Variants in MAGI2 observed in about 807,000 individuals in gnomAD.
The protein encoded by MAGI2 is membrane associated guanylate kinase, WW and PDZ domain containing 2.
In MAGI2, 35 loss-of-function variants were observed where a neutral mutation model predicts 133.3. The observed-to-expected ratio is 0.26, with a 90% CI of 0.20 to 0.35. The LOEUF (loss-of-function observed/expected upper bound fraction) is 0.35. Ranked by LOEUF, MAGI2 falls within the 10% of genes least tolerant of loss-of-function variation. The probability of loss-of-function intolerance (pLI) is 1.00; values close to 1 mark genes in which losing one functional copy is unlikely to be tolerated. For synonymous variants in MAGI2, 729 were observed against 710.6 expected (o/e 1.03, Z -0.41); for missense variants, 1,636 against 1,863.4 (o/e 0.88, Z 2.25).
chr7:78,176,930 C>CACACAA (rs1368623002), intron 14 of MAGI2, among the ~76,000 whole-genome samples: 1 of 151,066 alleles, frequency 6.6e-6, no homozygotes, highest in African/African-American at 2.4e-5. Flanking sequence ...CACACACACA[C>CACACAA]ACACACACAC....
chr7:79,085,437 A>G (rs180943331), intron 1 of MAGI2, among the ~76,000 whole-genome samples: 6 of 151,838 alleles, frequency 4.0e-5, no homozygotes, highest in Non-Finnish European at 5.9e-5. Context: ...GGACATATTT[A>G]TAACAGCTGG....
chr7:78,245,029 G>C (rs1453158070), intron 10 of MAGI2, among the ~76,000 whole-genome samples: 1 of 152,184 alleles, frequency 6.6e-6, no homozygotes, highest in African/African-American at 2.4e-5. Flanking sequence ...ACTATTAACA[G>C]TGACATGTAT....
chr7:78,536,736 G>GC (rs1554463572), intron 3 of MAGI2, among the ~76,000 whole-genome samples: 4 of 138,322 alleles, frequency 2.9e-5, no homozygotes, highest in African/African-American at 7.9e-5. Flanking sequence ...AATTTCAATA[G>GC]TTTTTTTTTT....
chr7:79,352,919 C>A (rs1465481283), intron 1 of MAGI2, among the ~76,000 whole-genome samples: 1 of 151,790 alleles, frequency 6.6e-6, no homozygotes, highest in Non-Finnish European at 1.5e-5. Flanking sequence ...TTTGCTAAGC[C>A]CTTCCAGTAT....
chr7:78,847,625 A>G (rs1052341453), intron 2 of MAGI2, among the ~76,000 whole-genome samples: 4 of 151,978 alleles, frequency 2.6e-5, no homozygotes, highest in African/African-American at 7.2e-5. Flanking sequence ...GAGTTAAAAG[A>G]TCTTGTACTG....
chr7:78,942,344 GA>G (rs547902463), intron 2 of MAGI2, among the ~76,000 whole-genome samples: 1 of 151,756 alleles, frequency 6.6e-6, no homozygotes, highest in East Asian at 1.9e-4. Context: ...AAACTTTCTG[GA>G]AAAAAAATCT....
intron 9 of MAGI2, among the ~76,000 whole-genome samples, chr7:78,291,122 A>G (rs1401172332): frequency 6.6e-6 from 1 of 152,260 alleles, no homozygotes; most frequent in Non-Finnish European, 1.5e-5. Flanking sequence ...AAAACCCTTC[A>G]AAAGATCCAT....
At chr7:79,214,978 A>G (rs1422133833) in intron 1 of MAGI2, among the ~76,000 whole-genome samples, 2 of 150,360 alleles carry the variant, frequency 1.3e-5, no homozygotes, top group African/African-American at 4.9e-5. Flanking sequence ...TTGGTTTACA[A>G]GTACGTTTGT....
intron 1 of MAGI2, among the ~76,000 whole-genome samples, chr7:79,322,041 G>A (rs1839221933): frequency 6.6e-6 from 1 of 152,004 alleles, no homozygotes; most frequent in Non-Finnish European, 1.5e-5. Flanking sequence ...GGGACCTAGA[G>A]TACCTATTTT....
intron 1 of MAGI2, among the ~76,000 whole-genome samples, chr7:79,095,127 C>A (rs547094103): frequency 6.6e-6 from 1 of 152,184 alleles, no homozygotes; most frequent in African/African-American, 2.4e-5. Flanking sequence ...TAGCTACCCT[C>A]ATCAATTATC....
chr7:78,358,741 G>C, intron 7 of MAGI2: 1 of 210,092 alleles, frequency 4.8e-6, no homozygotes, highest in Non-Finnish European at 9.5e-6. Flanking sequence ...TGGGGGAGAA[G>C]AGGAAGGAGA....
intron 2 of MAGI2, among the ~76,000 whole-genome samples, chr7:78,836,466 T>C (rs1791626133): frequency 6.6e-6 from 1 of 152,164 alleles, no homozygotes. Flanking sequence ...TATTTTTAAT[T>C]TTTACCTTGA....
At chr7:78,658,933 A>G (rs1042826607) in intron 2 of MAGI2, among the ~76,000 whole-genome samples, 2 of 152,182 alleles carry the variant, frequency 1.3e-5, no homozygotes, top group South Asian at 4.1e-4. Flanking sequence ...TAAACATACA[A>G]CTACCACAAA....
At chr7:78,369,836 T>TCACA (rs1238326442) in intron 6 of MAGI2, among the ~76,000 whole-genome samples, 1 of 151,594 alleles carries the variant, frequency 6.6e-6, no homozygotes, top group Non-Finnish European at 1.5e-5. Flanking sequence ...TAATTTTAAT[T>TCACA]CACACACACA....
At chr7:78,427,529 T>C (rs1413675256) in intron 6 of MAGI2, among the ~76,000 whole-genome samples, 1 of 152,210 alleles carries the variant, frequency 6.6e-6, no homozygotes, top group Admixed American at 6.5e-5. Flanking sequence ...ATCACAATTA[T>C]GCATTTGTAT....
At chr7:78,677,690 G>T (rs1815195530) in intron 2 of MAGI2, among the ~76,000 whole-genome samples, 1 of 152,060 alleles carries the variant, frequency 6.6e-6, no homozygotes, top group African/African-American at 2.4e-5. Context: ...ATTTACTGGG[G>T]ATTCTTCTAC....
intron 9 of MAGI2, among the ~76,000 whole-genome samples, chr7:78,339,480 C>T (rs1474117916): frequency 6.6e-6 from 1 of 152,090 alleles, no homozygotes; most frequent in Non-Finnish European, 1.5e-5. Context: ...TAAGTTTACA[C>T]TGAAATAAGT....
chr7:78,481,400 A>T (rs1261336403), intron 6 of MAGI2, among the ~76,000 whole-genome samples: 1 of 151,948 alleles, frequency 6.6e-6, no homozygotes, highest in Non-Finnish European at 1.5e-5. Flanking sequence ...GCATGGGGCA[A>T]ACTGCCCCAT....
At chr7:78,957,366 TTTTCTAAA>T (rs1382847989) in intron 2 of MAGI2, among the ~76,000 whole-genome samples, 3 of 151,918 alleles carry the variant, frequency 2.0e-5, no homozygotes, top group Non-Finnish European at 2.9e-5. Context: ...TGCATACATG[TTTTCTAAA>T]ATGTTTTTGG....
Sources: allele counts gnomAD v4.1 joint callset (sites outside exome capture counted in the v4.1 genomes callset), GRCh38; gene constraint gnomAD v4.1.1; transcripts MANE v1.5; gene names NCBI Gene and HGNC (gene_info 2026-07-23, HGNC 2026-07-21).